C2orf76: variants seen among roughly 807,000 people sequenced by gnomAD.
C2orf76 encodes UPF0538 protein C2orf76.
Under a neutral mutation model 16.9 loss-of-function variants are expected in C2orf76, and 23 were observed. The ratio of observed to expected loss-of-function variants is 1.36; its 90% confidence interval spans 0.98 to 1.93. The LOEUF is 1.93. Ranked by LOEUF, C2orf76 falls within the 30% of genes most tolerant of loss-of-function variation. The probability of loss-of-function intolerance (pLI) is 0.00; values close to 1 mark genes in which losing one functional copy is unlikely to be tolerated. For synonymous variants in C2orf76, 48 were observed against 52.3 expected, an observed-to-expected ratio of 0.92 and a Z score of 0.35; for missense variants, 152 against 152.6, an observed-to-expected ratio of 1.00 and a Z score of 0.02.
At chr2:119,292,852 T>C in the C2orf76 span, among the ~76,000 whole-genome samples, 1 of 152,048 alleles carries the variant, frequency 6.6e-6, no homozygotes, top group African/African-American at 2.4e-5. Flanking sequence ...CTGGCCAACA[T>C]AGTGAAACTC....
At chr2:119,302,861 G>A (rs903395871) in intron 5 of C2orf76, among the ~76,000 whole-genome samples, 9 of 152,092 alleles carry the variant, frequency 5.9e-5, no homozygotes, top group Admixed American at 5.9e-4. Flanking sequence ...CTCATTTACA[G>A]TCTTTTTTAC....
rs1366533642 is a variant in C2orf76, at chr2:119,311,414, A to G, written c.304+208T>C. Reference sequence around the variant, plus strand: ...CTGAAAACAGCCATTTGCATTCTGCATATTTGGAGAGCAGACACCTACTGT... The same window carrying G: ...CTGAAAACAGCCATTTGCATTCTGCGTATTTGGAGAGCAGACACCTACTGT... On this transcript the variant is annotated intron_variant, in intron 5 of 5. Coordinates refer to ENST00000334816, the MANE Select transcript of C2orf76 (RefSeq NM_001322331.2). 3.0e-6 allele frequency: 3 copies of G among 985,332 alleles called. No homozygotes were observed. In the African/African-American group the frequency reaches 5.2e-5, roughly 17 times the overall value. The allele number at this position is 985,332 out of a possible 1,614,324, so 61.0% of individuals were successfully genotyped here. A position where few individuals can be genotyped will look rare whatever the true frequency, so the allele number is the denominator to read the frequency against.
At chr2:119,342,114 C>T (rs1680049869) in intron 1 of C2orf76, among the ~76,000 whole-genome samples, 1 of 152,040 alleles carries the variant, frequency 6.6e-6, no homozygotes, top group Non-Finnish European at 1.5e-5. Flanking sequence ...CCATCAACAG[C>T]AGAATTGATA....
At chr2:119,335,537 C>T (rs1297736018) in intron 2 of C2orf76, among the ~76,000 whole-genome samples, 1 of 152,124 alleles carries the variant, frequency 6.6e-6, no homozygotes, top group African/African-American at 2.4e-5. Flanking sequence ...ATCTGAGCAA[C>T]AAAGTCAAGT....
Position 119,347,458 on chromosome 2 carries a change from T to C in C2orf76, c.-12-7487A>G, listed in dbSNP as rs115095772. Among the ~76,000 whole-genome samples, 613 of 152,328 alleles carry C rather than the reference T, an allele frequency of 4.0e-3. 7 individuals are homozygous for C. Among genetic ancestry groups the C allele is most frequent in the Middle Eastern group, 0.014 (4 of 294 alleles). On this transcript the variant is annotated intron_variant, in intron 1 of 5. Coordinates refer to ENST00000334816, the MANE Select transcript of C2orf76 (RefSeq NM_001322331.2). The stretch of plus-strand genomic sequence containing the variant: ...TGTTAATTCTGTTTATATGATATTA[T>C]GGTTGTGTTTTTAAGTCCTTATCTT...
chr2:119,311,059 T>A lies in C2orf76; in HGVS notation c.304+563A>T, dbSNP rs192588553. The A allele has an allele frequency of 4.5e-3, 3,052 of 681,466 alleles. 16 individuals carry two copies. Among genetic ancestry groups the A allele is most frequent in the Non-Finnish European group, 4.8e-3 (2,669 of 552,314 alleles). The allele number at this position is 681,466 out of a possible 1,614,324, so 42.2% of individuals were successfully genotyped here. The stretch of plus-strand genomic sequence containing the variant: ...ATATACGTAGAATAACAGTGACATC[T>A]AATGGTCACAAAACATGTCACATAA... On this transcript the variant is annotated intron_variant, in intron 5 of 5. Coordinates refer to ENST00000334816, the MANE Select transcript of C2orf76 (RefSeq NM_001322331.2).
Position 119,317,503 on chromosome 2 carries a change from T to A in C2orf76, c.185A>T (p.Asp62Val). Reference sequence around the variant, plus strand: ...TGCTTGATGAATAATCTTTAGTGCATCTGAAAGAAAAAAGCAAGTTATCTT... The same window carrying A: ...TGCTTGATGAATAATCTTTAGTGCAACTGAAAGAAAAAAGCAAGTTATCTT... Reference protein sequence around the residue: ...LPPPFRNYKYDALKIIHQAHK... With the variant: ...LPPPFRNYKYVALKIIHQAHK... The change falls in exon 4 of 6, where the codon GAT becomes GTT. Residue 62 changes from aspartate (D) to valine (V), a missense_variant and splice_region_variant. Transcript: ENST00000334816. The A allele has an allele frequency of 6.2e-7, 1 of 1,605,378 alleles. No homozygotes were observed.
At chr2:119,345,846 G>T (rs1257482173) in intron 1 of C2orf76, among the ~76,000 whole-genome samples, 1 of 152,030 alleles carries the variant, frequency 6.6e-6, no homozygotes, top group East Asian at 1.9e-4. Context: ...CGGATCACAA[G>T]GTCAGGAGAT....
At chr2:119,292,016 G>A in the C2orf76 span, among the ~76,000 whole-genome samples, 4 of 151,966 alleles carry the variant, frequency 2.6e-5, no homozygotes, top group Admixed American at 2.0e-4. Flanking sequence ...TTCCAACCCC[G>A]GGCTGCCTAT....
intron 1 of C2orf76, among the ~76,000 whole-genome samples, chr2:119,351,221 C>G (rs998413465): frequency 6.6e-6 from 1 of 152,108 alleles, no homozygotes; most frequent in South Asian, 2.1e-4. Context: ...GAACTCACAG[C>G]CAACACCACT....
chr2:119,336,861 C>A (rs1273230369), intron 2 of C2orf76, among the ~76,000 whole-genome samples: 1 of 151,970 alleles, frequency 6.6e-6, no homozygotes, highest in African/African-American at 2.4e-5. Flanking sequence ...AATTCAAAGA[C>A]CCTTTTGACA....
intron 2 of C2orf76, among the ~76,000 whole-genome samples, chr2:119,327,617 C>T (rs578247520): frequency 9.8e-4 from 147 of 150,460 alleles, no homozygotes; most frequent in Non-Finnish European, 1.5e-3. Flanking sequence ...TCTTCTCCCT[C>T]TCTCTCTCTC....
At chr2:119,285,840 A>T in the C2orf76 span, among the ~76,000 whole-genome samples, 1 of 152,212 alleles carries the variant, frequency 6.6e-6, no homozygotes, top group African/African-American at 2.4e-5. Context: ...TGCATTTATC[A>T]ACTCCCAGTG....
At chr2:119,312,098 C>A (rs1221187457) in intron 4 of C2orf76, among the ~76,000 whole-genome samples, 1 of 152,190 alleles carries the variant, frequency 6.6e-6, no homozygotes, top group Admixed American at 6.5e-5. Context: ...CTCAGCAGTG[C>A]CGGCCGCAGG....
intron 5 of C2orf76, chr2:119,311,232 T>G (rs965313793): frequency 1.6e-5 from 16 of 985,308 alleles, no homozygotes; most frequent in Non-Finnish European, 1.8e-5. Context: ...CCACACTGCA[T>G]GTGATACCAA....
chr2:119,303,842 G>C (rs977938846), intron 5 of C2orf76, among the ~76,000 whole-genome samples: 22 of 152,264 alleles, frequency 1.4e-4, no homozygotes, highest in African/African-American at 5.3e-4. Context: ...AATTTAATCT[G>C]AGTAGATGAA....
At chr2:119,351,443 T>C (rs937336195) in intron 1 of C2orf76, among the ~76,000 whole-genome samples, 3 of 152,024 alleles carry the variant, frequency 2.0e-5, no homozygotes, top group South Asian at 2.1e-4. Context: ...GTTTACAATA[T>C]AAGAGCTGAA....
intron 2 of C2orf76, among the ~76,000 whole-genome samples, chr2:119,328,057 C>T (rs1375679254): frequency 3.3e-5 from 5 of 151,552 alleles, no homozygotes; most frequent in Admixed American, 6.6e-5. Context: ...GACAGTATCT[C>T]GCTATGTTGC....
chr2:119,336,150 T>G (rs1008504880), intron 2 of C2orf76, among the ~76,000 whole-genome samples: 1 of 152,094 alleles, frequency 6.6e-6, no homozygotes, highest in African/African-American at 2.4e-5. Context: ...ATCCCAGCAC[T>G]TTGGGAGGCT....
Sources: allele counts gnomAD v4.1 joint callset (sites outside exome capture counted in the v4.1 genomes callset), GRCh38; gene constraint gnomAD v4.1.1; transcripts MANE v1.5; gene names NCBI Gene and HGNC (gene_info 2026-07-23, HGNC 2026-07-21).